STIM1: variants seen among roughly 807,000 people sequenced by gnomAD.
STIM1 encodes stromal interaction molecule 1.
STIM1 carries 25 observed loss-of-function variants against 74.7 expected under a neutral mutation model. The ratio of observed to expected loss-of-function variants is 0.33; its 90% CI spans 0.24 to 0.47. The LOEUF is 0.47. Among genes scored for constraint, STIM1 ranks in the 20% least tolerant of loss-of-function variants. The pLI, the probability that STIM1 is intolerant of heterozygous loss-of-function variation, is 1.00. For synonymous variants in STIM1, 328 were observed against 348.8 expected, an observed-to-expected ratio of 0.94 and a Z score of 0.66; for missense variants, 728 against 920.8, an observed-to-expected ratio of 0.79 and a Z score of 2.71.
At chr11:4,021,033 C>T (rs927579080) in intron 2 of STIM1, among the ~76,000 whole-genome samples, 1 of 152,072 alleles carries the variant, frequency 6.6e-6, no homozygotes, top group African/African-American at 2.4e-5. Flanking sequence ...GTATAATTTG[C>T]AGATGTTTTC....
chr11:4,073,538 C>T (rs138125866), intron 6 of STIM1, among the ~76,000 whole-genome samples: 12 of 152,246 alleles, frequency 7.9e-5, no homozygotes, highest in Admixed American at 2.0e-4. Context: ...TCTGATTTAT[C>T]GCCACGTATT....
Position 3,856,071 on chromosome 11 carries a change from G to T in STIM1, c.-200G>T, listed in dbSNP as rs1227361379. On this transcript the variant is annotated 5_prime_UTR_variant, in exon 1 of 13. Coordinates refer to ENST00000526596, the MANE Select transcript of STIM1 (RefSeq NM_001382567.1). The stretch of plus-strand genomic sequence containing the variant: ...GCGGACCCACTGTTGGACCTGAGGA[G>T]CCAGCCCTCCTCCCGCACCCAAACT... 3.1e-6 allele frequency: 2 copies of T among 642,838 alleles called. No homozygotes were observed. Among genetic ancestry groups the T allele is most frequent in the African/African-American group, 1.8e-5 (1 of 55,488 alleles). 39.8% of individuals were successfully genotyped at this position (642,838 alleles called of 1,614,324 possible).
intron 1 of STIM1, among the ~76,000 whole-genome samples, chr11:3,872,052 C>G (rs1479337845): frequency 6.6e-6 from 1 of 152,110 alleles, no homozygotes; most frequent in Non-Finnish European, 1.5e-5. Context: ...ATCTTGTTTT[C>G]TAACTCTCGT....
chr11:3,855,974 C>T lies in STIM1; in HGVS notation c.-297C>T. On this transcript the variant is annotated 5_prime_UTR_variant, in exon 1 of 13. Transcript: ENST00000526596. ...CGCAGGGGTGTAGTAATCTGCGGAG[C>T]TGACAGCAGCCCCGCAGCCACCCTG... 2.1e-6 allele frequency: 1 copy of T among 466,146 alleles called. No homozygotes were observed. 28.9% of individuals were successfully genotyped at this position (466,146 alleles called of 1,614,324 possible).
chr11:4,052,929 C>T (rs183438946), intron 3 of STIM1, among the ~76,000 whole-genome samples: 1 of 152,324 alleles, frequency 6.6e-6, no homozygotes, highest in African/African-American at 2.4e-5. Context: ...AGGATATGAA[C>T]AGACACTTCT....
At chr11:4,004,316 C>G (rs1210721089) in intron 2 of STIM1, among the ~76,000 whole-genome samples, 1 of 151,950 alleles carries the variant, frequency 6.6e-6, no homozygotes, top group Non-Finnish European at 1.5e-5. Flanking sequence ...GGAGGCATCA[C>G]GCTACCTGAC....
At chr11:3,941,362 A>G (rs1349746631) in intron 1 of STIM1, among the ~76,000 whole-genome samples, 3 of 152,134 alleles carry the variant, frequency 2.0e-5, no homozygotes, top group African/African-American at 7.2e-5. Flanking sequence ...GAGGTGCAGG[A>G]TGAATTAGAG....
chr11:4,009,592 G>A (rs2093816580), intron 2 of STIM1, among the ~76,000 whole-genome samples: 1 of 151,564 alleles, frequency 6.6e-6, no homozygotes, highest in Non-Finnish European at 1.5e-5. Flanking sequence ...TGGGCAGACA[G>A]AGTGAGACTC....
Position 3,887,984 on chromosome 11 carries a change from A to T in STIM1, c.139+31575A>T, listed in dbSNP as rs5789315. 140 of 149,376 alleles carry T rather than the reference A, an allele frequency of 9.4e-4. 1 individual carries two copies. The highest frequency in any genetic ancestry group is 3.5e-3 in the Middle Eastern group (1 of 288). The allele number at this position is 149,376 out of a possible 1,614,324, so 9.3% of individuals were successfully genotyped here. A position where few individuals can be genotyped will look rare whatever the true frequency, so the allele number is the denominator to read the frequency against. Reference sequence around the variant, plus strand: ...GACTCTGTCTCAAAAAAAAAAAAAAAAAATAGGACATCTGTGTCCAGGAAT... The same window carrying T: ...GACTCTGTCTCAAAAAAAAAAAAAATAAATAGGACATCTGTGTCCAGGAAT... On this transcript the variant is annotated intron_variant, in intron 1 of 12. Transcript: ENST00000526596.
At chr11:4,003,336 T>C (rs1182216067) in intron 2 of STIM1, among the ~76,000 whole-genome samples, 1 of 151,710 alleles carries the variant, frequency 6.6e-6, no homozygotes, top group Non-Finnish European at 1.5e-5. Flanking sequence ...GCAAAAATCC[T>C]CAGTAAAATA....
chr11:4,034,853 C>T (rs1363488982), intron 3 of STIM1, among the ~76,000 whole-genome samples: 2 of 152,034 alleles, frequency 1.3e-5, no homozygotes, highest in Non-Finnish European at 1.5e-5. Context: ...TTGTGTCTTT[C>T]AAGAAATTTG....
At chr11:4,000,084 G>A (rs1358746841) in intron 2 of STIM1, among the ~76,000 whole-genome samples, 1 of 152,140 alleles carries the variant, frequency 6.6e-6, no homozygotes, top group East Asian at 1.9e-4. Flanking sequence ...CAGCCGGGAA[G>A]CTTGAACTGG....
chr11:4,057,703 T>C (rs912572893), intron 4 of STIM1, among the ~76,000 whole-genome samples: 3 of 152,030 alleles, frequency 2.0e-5, no homozygotes, highest in Non-Finnish European at 2.9e-5. Flanking sequence ...ACCCCGTCTC[T>C]ACTAAAAATA....
Position 3,856,386 on chromosome 11 carries a change from A to C in STIM1, c.116A>C (p.Asn39Thr). 1 of 1,614,034 alleles carries C rather than the reference A, an allele frequency of 6.2e-7. No individual in the cohort carries two copies. Among genetic ancestry groups the C allele is most frequent in the Non-Finnish European group, 8.5e-7 (1 of 1,179,996 alleles). Reference sequence around the variant, plus strand: ...GCGACAGGAACCAGCTCGGGGGCCAACTCTGAGGAGTCCACTGCAGCAGGT... The same window carrying C: ...GCGACAGGAACCAGCTCGGGGGCCACCTCTGAGGAGTCCACTGCAGCAGGT... ...EKATGTSSGANSEESTAAEFC... is the reference protein window; with the variant it reads ...EKATGTSSGATSEESTAAEFC... The change falls in exon 1 of 13, where the codon AAC becomes ACC. Residue 39 changes from asparagine (N) to threonine (T), a missense_variant. Transcript: ENST00000526596.
At chr11:4,069,831 G>A (rs1257823837) in intron 5 of STIM1, among the ~76,000 whole-genome samples, 195 bp from the exon 6 acceptor site, 1 of 152,196 alleles carries the variant, frequency 6.6e-6, no homozygotes, top group Non-Finnish European at 1.5e-5. Flanking sequence ...CAAAGCCTTG[G>A]CTAGCAGAGA....
At chr11:3,856,479 A>G (rs2090375608) in intron 1 of STIM1, 70 bp downstream of exon 1, 1 of 1,558,028 alleles carries the variant, frequency 6.4e-7, no homozygotes, top group Non-Finnish European at 8.7e-7. Context: ...GAAGTGGGCA[A>G]GTTGAAATCT....
chr11:3,865,663 C>T (rs896915550), intron 1 of STIM1, among the ~76,000 whole-genome samples: 1 of 152,116 alleles, frequency 6.6e-6, no homozygotes, highest in African/African-American at 2.4e-5. Context: ...CTGGGATGTA[C>T]AGTATAGGCA....
intron 1 of STIM1, among the ~76,000 whole-genome samples, chr11:3,955,743 G>T (rs2093204095): frequency 6.6e-6 from 1 of 152,018 alleles, no homozygotes; most frequent in African/African-American, 2.4e-5. Context: ...AATTGGTCTG[G>T]TGTGGGGCCT....
chr11:4,063,456 G>A lies in STIM1; in HGVS notation c.613+4060G>A, dbSNP rs189050819. Among the ~76,000 whole-genome samples, 812 of 152,142 alleles carry A rather than the reference G, an allele frequency of 5.3e-3. 4 individuals are homozygous for A. The highest frequency in any genetic ancestry group is 8.4e-3 in the Non-Finnish European group (571 of 68,008). ...GTGCTCACTTTTGAGTCTCTGTGTC[G>A]GAATTTTTAAGCAATAAGTTATTTT... On this transcript the variant is annotated intron_variant, in intron 5 of 12. Coordinates refer to ENST00000526596, the MANE Select transcript of STIM1 (RefSeq NM_001382567.1).
Sources: allele counts gnomAD v4.1 joint callset (sites outside exome capture counted in the v4.1 genomes callset), GRCh38; gene constraint gnomAD v4.1.1; transcripts MANE v1.5; gene names NCBI Gene and HGNC (gene_info 2026-07-23, HGNC 2026-07-21).